The following FAF1 variants were observed in gnomAD, a reference collection of about 807,000 sequenced individuals.
FAF1 encodes FAS-associated factor 1.
FAF1 carries 25 observed loss-of-function variants against 92.5 expected under a neutral mutation model. The observed-to-expected ratio is 0.27, with a 90% CI of 0.20 to 0.38. The LOEUF is 0.38. FAF1 is among the 10% of genes least tolerant of loss of function. The pLI, the probability that FAF1 is intolerant of heterozygous loss-of-function variation, is 1.00. For missense variants in FAF1, 636 were observed against 793.3 expected, an observed-to-expected ratio of 0.80 and a Z score of 2.38; for synonymous variants, 234 against 273.2, an observed-to-expected ratio of 0.86 and a Z score of 1.42.
At chr1:50,520,496 C>G (rs996462251) in intron 15 of FAF1, among the ~76,000 whole-genome samples, 1 of 152,286 alleles carries the variant, frequency 6.6e-6, no homozygotes, top group South Asian at 2.1e-4. Flanking sequence ...TTGCAATCAT[C>G]TCTCCTTTTA....
chr1:50,740,615 T>C (rs1200517480), intron 5 of FAF1, among the ~76,000 whole-genome samples: 1 of 152,170 alleles, frequency 6.6e-6, no homozygotes, highest in Non-Finnish European at 1.5e-5. Flanking sequence ...TTCTGTTTTG[T>C]TTGTTTGTTT....
intron 8 of FAF1, among the ~76,000 whole-genome samples, chr1:50,641,168 A>G (rs1320780563): frequency 6.6e-6 from 1 of 152,002 alleles, no homozygotes; most frequent in Non-Finnish European, 1.5e-5. Flanking sequence ...TTTGGTTTCA[A>G]TAATTTTTCC....
intron 8 of FAF1, among the ~76,000 whole-genome samples, chr1:50,646,033 C>G (rs1275739267): frequency 6.6e-6 from 1 of 152,128 alleles, no homozygotes; most frequent in Non-Finnish European, 1.5e-5. Flanking sequence ...AAAATGGCAA[C>G]TTCATATGGT....
At chr1:50,711,463 C>CTT (rs1160668174) in intron 6 of FAF1, among the ~76,000 whole-genome samples, 1,065 of 82,000 alleles carry the variant, frequency 0.013, 1 homozygote, top group Non-Finnish European at 0.016. Context: ...TCCACACTGA[C>CTT]TTTTTTTTTT....
chr1:50,633,607 T>C (rs1653883205), intron 8 of FAF1, among the ~76,000 whole-genome samples: 1 of 152,182 alleles, frequency 6.6e-6, no homozygotes, highest in South Asian at 2.1e-4. Context: ...CTGAGCTCTG[T>C]CACTACGGCA....
intron 1 of FAF1, among the ~76,000 whole-genome samples, chr1:50,907,479 G>GTACAATTCTACCTT (rs1375818808): frequency 2.6e-5 from 4 of 152,162 alleles, no homozygotes; most frequent in African/African-American, 9.7e-5. Context: ...TTGTACCTCT[G>GTACAATTCTACCTT]GTAGAATTCG....
chr1:50,916,511 C>G (rs1030681404), intron 1 of FAF1, among the ~76,000 whole-genome samples: 1 of 152,176 alleles, frequency 6.6e-6, no homozygotes, highest in South Asian at 2.1e-4. Flanking sequence ...AGTGCTTTCT[C>G]AGAGTTCTAG....
In FAF1 at chr1:50,788,118, C is replaced by T. The variant is rs372485951; in HGVS notation, c.249G>A (p.Ala83=). 88 of 1,613,976 alleles carry T rather than the reference C, an allele frequency of 5.5e-5. No homozygotes were observed. The highest frequency in any genetic ancestry group is 4.9e-4 in the Middle Eastern group (3 of 6,084). ...ASAPTSSSSS[A]FRPVMPSRQI... is the part of the protein sequence containing the mutation. ...GCCTGGATGGCATTACAGGTCGAAA[C>T]GCTGAAGAAGAAGAGGAAGTAGGAG... is the stretch of plus-strand genomic sequence containing the variant. The change falls in exon 4 of 19, where the codon GCG becomes GCA. Residue 83 remains alanine (A), a synonymous_variant. Transcript: ENST00000396153.
intron 3 of FAF1, 54 bp downstream of exon 3, chr1:50,801,577 C>G: frequency 2.1e-6 from 2 of 963,250 alleles, no homozygotes; most frequent in Non-Finnish European, 1.7e-6. Flanking sequence ...TAACAGCTAG[C>G]TCTGTTCTTT....
chr1:50,928,782 C>CAAAA (rs1157426126), intron 1 of FAF1, among the ~76,000 whole-genome samples: 1,124 of 39,662 alleles, frequency 0.028, 32 homozygotes, highest in African/African-American at 0.094. Flanking sequence ...GACTCCACCT[C>CAAAA]AAAAAAAAAA....
At chr1:50,492,632 C>T (rs939441187) in intron 15 of FAF1, among the ~76,000 whole-genome samples, 4 of 152,208 alleles carry the variant, frequency 2.6e-5, no homozygotes, top group African/African-American at 9.6e-5. Flanking sequence ...TGTAGGTTCC[C>T]TTTTTGGTCA....
intron 4 of FAF1, among the ~76,000 whole-genome samples, chr1:50,765,294 A>G (rs1270613681): frequency 2.6e-5 from 4 of 152,218 alleles, no homozygotes; most frequent in Admixed American, 6.5e-5. Flanking sequence ...AATGCCTAAA[A>G]AATAGATCAT....
intron 6 of FAF1, among the ~76,000 whole-genome samples, chr1:50,712,105 C>T (rs1334543037): frequency 6.6e-6 from 1 of 152,134 alleles, no homozygotes; most frequent in Non-Finnish European, 1.5e-5. Context: ...CCTTCAGGTA[C>T]TAAGGAAGTG....
intron 7 of FAF1, among the ~76,000 whole-genome samples, chr1:50,677,622 C>T (rs188854490): frequency 3.5e-4 from 53 of 152,178 alleles, no homozygotes; most frequent in African/African-American, 1.0e-3. Context: ...GGGCTGGACA[C>T]GGTGGCTGAC....
Position 50,574,896 on chromosome 1 carries a change from C to CTGTTT in FAF1, c.1114-7666_1114-7665insAAACA, listed in dbSNP as rs1558000811. Among the ~76,000 whole-genome samples, 166 of 122,888 alleles carry CTGTTT rather than the reference C, an allele frequency of 1.4e-3. 7 individuals carry two copies. The highest frequency in any genetic ancestry group is 5.2e-3 in the African/African-American group (160 of 30,780). The allele number at this position is 122,888 out of a possible 152,430, so 80.6% of individuals were successfully genotyped here. A position where few individuals can be genotyped will look rare whatever the true frequency, so the allele number is the denominator to read the frequency against. On this transcript the variant is annotated intron_variant, in intron 12 of 18. Coordinates refer to ENST00000396153, the MANE Select transcript of FAF1 (RefSeq NM_007051.3). ...GTTTAAGCATATAGAGTTGTATTAA[C>CTGTTT]TCTTTTTTTTTTTTTTTTTTTTTTT...
chr1:50,655,669 CA>C, intron 7 of FAF1, 141 bp from the exon 8 acceptor site: 2 of 547,744 alleles, frequency 3.7e-6, no homozygotes, highest in African/African-American at 2.0e-5. Context: ...AAACCCAAGT[CA>C]AAAAATTTTG....
At chr1:50,651,857 T>C (rs941910777) in intron 8 of FAF1, among the ~76,000 whole-genome samples, 1 of 152,232 alleles carries the variant, frequency 6.6e-6, no homozygotes, top group African/African-American at 2.4e-5. Context: ...ACCAGTTTTA[T>C]GAGTTTTTAT....
intron 2 of FAF1, among the ~76,000 whole-genome samples, chr1:50,824,157 A>C (rs537888142): frequency 6.6e-6 from 1 of 152,312 alleles, no homozygotes; most frequent in South Asian, 2.1e-4. Context: ...TGCATGTATG[A>C]CTATTTTAAC....
At chr1:50,756,708 G>A (rs1290488418) in intron 4 of FAF1, among the ~76,000 whole-genome samples, 2 of 152,180 alleles carry the variant, frequency 1.3e-5, no homozygotes, top group African/African-American at 2.4e-5. Context: ...GGTTGGGGAG[G>A]CCTCACAATC....
Sources: gnomAD v4.1 joint callset for allele counts (sites outside exome capture counted in the v4.1 genomes callset) on GRCh38, gnomAD v4.1.1 for gene constraint, MANE v1.5 for transcripts, NCBI Gene and HGNC (gene_info 2026-07-23, HGNC 2026-07-21) for gene names.